The following IGSF21 variants were observed in gnomAD, a reference collection of about 807,000 sequenced individuals.
IGSF21 encodes the protein immunoglobulin superfamily member 21.
In IGSF21, 28 loss-of-function variants were observed where a neutral mutation model predicts 46.8. The observed-to-expected ratio is 0.60, with a 90% CI of 0.44 to 0.82. The LOEUF (loss-of-function observed/expected upper bound fraction) is 0.82. IGSF21 is among the 40% of genes least tolerant of loss of function. The pLI is 0.00. For synonymous variants in IGSF21, 284 were observed against 273.6 expected (o/e 1.04, Z -0.38); for missense variants, 624 against 665.5 (o/e 0.94, Z 0.69).
intron 2 of IGSF21, among the ~76,000 whole-genome samples, chr1:18,259,877 G>T (rs1211349872): frequency 1.3e-5 from 2 of 152,164 alleles, no homozygotes; most frequent in South Asian, 2.1e-4. Flanking sequence ...ATGAGTTCTT[G>T]GGCAGTAGGG....
At chr1:18,157,672 T>A (rs917351195) in intron 1 of IGSF21, among the ~76,000 whole-genome samples, 1 of 152,162 alleles carries the variant, frequency 6.6e-6, no homozygotes, top group African/African-American at 2.4e-5. Flanking sequence ...CTGCAGCCAC[T>A]AATGGGATGC....
At chr1:18,182,817 G>A (rs1467958347) in intron 1 of IGSF21, among the ~76,000 whole-genome samples, 3 of 152,172 alleles carry the variant, frequency 2.0e-5, no homozygotes, top group African/African-American at 7.2e-5. Context: ...AATGGGGTCC[G>A]AAGCCTCTCC....
chr1:18,240,357 C>A (rs2883821), intron 2 of IGSF21, among the ~76,000 whole-genome samples: 3 of 152,152 alleles, frequency 2.0e-5, no homozygotes, highest in Non-Finnish European at 2.9e-5. Flanking sequence ...TGTAGTTAAG[C>A]GGGAGGAAAC....
At position 18,365,258 on chromosome 1, in the gene IGSF21, A is replaced by G. The variant is rs377535710; in HGVS notation, c.576A>G (p.Ala192=). 6.2e-7 allele frequency: 1 copy of G among 1,611,884 alleles called. No individual in the cohort carries two copies. The highest frequency in any genetic ancestry group is 1.1e-5 in the South Asian group (1 of 90,930). The change falls in exon 6 of 10, where the codon GCA becomes GCG. Residue 192 remains alanine, a synonymous_variant. Coordinates refer to ENST00000251296, the MANE Select transcript of IGSF21 (RefSeq NM_032880.5). The surrounding 1 kb of genome is among the most constrained non-coding windows in gnomAD (Gnocchi z 4.8). ...YFKRDGEPID[A]VPLSEPPAAS... ...AACGAGATGGGGAACCAATCGACGC[A>G]GTGCCCCTATCAGAGCCACCAGCTG...
intron 1 of IGSF21, among the ~76,000 whole-genome samples, chr1:18,177,401 G>GGGGAAGGGGTCAGTGAGGTA (rs59182805): frequency 1.0e-5 from 1 of 97,958 alleles, no homozygotes; most frequent in Non-Finnish European, 2.7e-5. Flanking sequence ...AGGTGTGTGT[G>GGGGAAGGGGTCAGTGAGGTA]TGTGTGTGTG....
chr1:18,324,913 C>T (rs1266787274), intron 3 of IGSF21, among the ~76,000 whole-genome samples: 1 of 152,218 alleles, frequency 6.6e-6, no homozygotes, highest in Non-Finnish European at 1.5e-5. Context: ...GAAACTTCGC[C>T]TTCACAGGCA....
intron 1 of IGSF21, among the ~76,000 whole-genome samples, chr1:18,199,856 C>T (rs537036734): frequency 2.6e-5 from 4 of 152,254 alleles, no homozygotes; most frequent in South Asian, 4.2e-4. Flanking sequence ...ATAAGGTGCT[C>T]TTGCTTGGGG....
In IGSF21 at chr1:18,308,010, C is replaced by T. The variant is rs146053774; in HGVS notation, c.305+16023C>T. ...AAAGGTCATCGCATCATAGATGACC[C>T]TCCCAACGGCCCCTAAAGGGACACC... is the stretch of plus-strand genomic sequence containing the variant. On this transcript the variant is annotated intron_variant, in intron 3 of 9. Transcript: ENST00000251296. 1.4e-3 allele frequency among the ~76,000 whole-genome samples: 212 copies of T among 152,258 alleles called. 3 individuals carry two copies. In the East Asian group the frequency reaches 0.038, roughly 27 times the overall value.
At chr1:18,362,746 A>G (rs2124630900) in intron 5 of IGSF21, among the ~76,000 whole-genome samples, 1 of 152,250 alleles carries the variant, frequency 6.6e-6, no homozygotes, top group South Asian at 2.1e-4. Context: ...AAAGGGAGGG[A>G]AGAGAGAGGA....
rs188053688 is a variant in IGSF21, at chr1:18,180,052, C to T, written c.71-47846C>T. ...CTTGGGTCACCATCCTAGTGAGGTT[C>T]TTCCTGGCTTTTGGATCGAAATAGC... is the stretch of plus-strand genomic sequence containing the variant. On this transcript the variant is annotated intron_variant, in intron 1 of 9. Coordinates refer to ENST00000251296, the MANE Select transcript of IGSF21 (RefSeq NM_032880.5). Among the ~76,000 whole-genome samples, 7 of 152,292 alleles carry T rather than the reference C, an allele frequency of 4.6e-5. No individual in the cohort carries two copies. The East Asian group carries it at 1.4e-3, about 30-fold the overall frequency.
In IGSF21 at chr1:18,227,875, C is replaced by A. The variant is rs1399530128; in HGVS notation, c.71-23C>A. 3.8e-6 allele frequency: 6 copies of A among 1,581,146 alleles called. No homozygotes were observed. The Admixed American group carries it at 5.0e-5, about 13-fold the overall frequency. ...CTCTGATCTGCTCGTGCCCTTACCACCCCTTTCTCCTCTCTTCTGTAGGCT... is the reference window on the plus strand; with the variant it reads ...CTCTGATCTGCTCGTGCCCTTACCAACCCTTTCTCCTCTCTTCTGTAGGCT... On this transcript the variant is annotated intron_variant, in intron 1 of 9. Transcript: ENST00000251296.
intron 1 of IGSF21, among the ~76,000 whole-genome samples, chr1:18,207,960 G>C (rs918311821): frequency 6.6e-6 from 1 of 152,002 alleles, no homozygotes; most frequent in African/African-American, 2.4e-5. Flanking sequence ...CTGTACACTT[G>C]GAAGAAAAAA....
Position 18,130,974 on chromosome 1 carries a change from G to A in IGSF21, c.70+22776G>A, listed in dbSNP as rs191462132. On this transcript the variant is annotated intron_variant, in intron 1 of 9. Transcript: ENST00000251296. ...AGTGCCCCTCAGCTCTGACAGCCTC[G>A]GGCCGGCTGATGGAGATGTCTTTGA... is the stretch of plus-strand genomic sequence containing the variant. Among the ~76,000 whole-genome samples the A allele has an allele frequency of 3.4e-3, 520 of 152,304 alleles. 11 individuals carry two copies. The highest frequency in any genetic ancestry group is 0.028 in the Admixed American group (424 of 15,304).
intron 1 of IGSF21, among the ~76,000 whole-genome samples, chr1:18,184,831 C>T (rs1185074454): frequency 1.3e-5 from 2 of 152,180 alleles, no homozygotes; most frequent in South Asian, 2.1e-4. Context: ...CAAATCCTCA[C>T]GATCTCCCTG....
rs1553162963 is a variant in IGSF21 at position 18,315,547 on chromosome 1, T to TAATGGATG, written c.306-19345_306-19344insAATGGATG. Among the ~76,000 whole-genome samples, 1,022 of 149,378 alleles carry TAATGGATG rather than the reference T, an allele frequency of 6.8e-3. 11 individuals are homozygous for TAATGGATG. Among genetic ancestry groups the TAATGGATG allele is most frequent in the Middle Eastern group, 0.034 (10 of 290 alleles). ...TAGAATTGTTGGATGAGTGGATGGA[T>TAATGGATG]GATGGATGGATGGATGGATGGATGG... On this transcript the variant is annotated intron_variant, in intron 3 of 9. Coordinates refer to ENST00000251296, the MANE Select transcript of IGSF21 (RefSeq NM_032880.5).
chr1:18,215,535 TCTAAG>T (rs1395497546), intron 1 of IGSF21, among the ~76,000 whole-genome samples: 1 of 152,188 alleles, frequency 6.6e-6, no homozygotes, highest in East Asian at 1.9e-4. Context: ...GTAAATGACA[TCTAAG>T]CTAAGACCTG....
intron 3 of IGSF21, among the ~76,000 whole-genome samples, chr1:18,309,995 C>G (rs2085473251): frequency 6.6e-6 from 1 of 152,106 alleles, no homozygotes; most frequent in South Asian, 2.1e-4. Context: ...GCTGATGGGC[C>G]AAGGGGGCTC....
chr1:18,210,008 T>C (rs1008764215), intron 1 of IGSF21, among the ~76,000 whole-genome samples: 3 of 152,092 alleles, frequency 2.0e-5, no homozygotes, highest in Non-Finnish European at 4.4e-5. Flanking sequence ...ATGAGACGTC[T>C]ACAGTCTGCA....
At chr1:18,160,774 C>T (rs569860321) in intron 1 of IGSF21, among the ~76,000 whole-genome samples, 13 of 152,304 alleles carry the variant, frequency 8.5e-5, no homozygotes, top group East Asian at 7.7e-4. Context: ...TCCCTGCACC[C>T]GCAGCCACCC....
Sources: allele counts gnomAD v4.1 joint callset (sites outside exome capture counted in the v4.1 genomes callset), GRCh38; gene constraint gnomAD v4.1.1; non-coding constraint Gnocchi (gnomAD v3.1); transcripts MANE v1.5; gene names NCBI Gene and HGNC (gene_info 2026-07-23, HGNC 2026-07-21).